PLXNA4: variants seen among roughly 807,000 people sequenced by gnomAD.
The protein encoded by PLXNA4 is plexin A4, also known as plexin-A4.
Under a neutral mutation model 191.8 loss-of-function variants are expected in PLXNA4, and 44 were observed. The observed-to-expected ratio is 0.23, with a 90% CI of 0.18 to 0.29. The LOEUF is 0.29. Ranked by LOEUF, PLXNA4 falls within the 10% of genes least tolerant of loss-of-function variation. The pLI, the probability that PLXNA4 is intolerant of heterozygous loss-of-function variation, is 1.00. For synonymous variants in PLXNA4, 1,082 were observed against 1,009.5 expected (o/e 1.07, Z -1.36); for missense variants, 1,800 against 2,488.8 (o/e 0.72, Z 5.89).
chr7:132,425,898 G>C (rs928464212), intron 3 of PLXNA4, among the ~76,000 whole-genome samples: 1 of 152,216 alleles, frequency 6.6e-6, no homozygotes, highest in African/African-American at 2.4e-5. Context: ...GCAGACAGGG[G>C]CTTCTGCAGC....
At chr7:132,161,111 G>A (rs1795936198) in intron 24 of PLXNA4, among the ~76,000 whole-genome samples, 1 of 152,162 alleles carries the variant, frequency 6.6e-6, no homozygotes, top group Non-Finnish European at 1.5e-5. Flanking sequence ...CTGACCCTTG[G>A]GCTGTTCTGG....
chr7:132,385,264 T>G (rs1050378959), intron 3 of PLXNA4: 3 of 1,613,848 alleles, frequency 1.9e-6, no homozygotes, highest in Non-Finnish European at 2.5e-6. Context: ...CGTCTGTAGC[T>G]CAAGGGTAGG....
At chr7:132,478,703 C>G (rs972727185) in intron 3 of PLXNA4, among the ~76,000 whole-genome samples, 20 of 152,130 alleles carry the variant, frequency 1.3e-4, no homozygotes, top group African/African-American at 4.8e-4. Flanking sequence ...CATGGGAATA[C>G]CTGGAACACA....
intron 31 of PLXNA4, among the ~76,000 whole-genome samples, chr7:132,132,460 C>CTGT (rs1211619906): frequency 3.0e-5 from 1 of 33,738 alleles, no homozygotes; most frequent in South Asian, 1.0e-3. Context: ...CTGTTCTGTT[C>CTGT]TGTTCTGCTC....
chr7:132,232,249 A>C (rs1798548604), intron 5 of PLXNA4, among the ~76,000 whole-genome samples: 1 of 152,140 alleles, frequency 6.6e-6, no homozygotes, highest in African/African-American at 2.4e-5. Context: ...CTCCTAAAGC[A>C]TGTCCCTCAG....
At chr7:132,284,716 C>T (rs545345680) in intron 4 of PLXNA4, among the ~76,000 whole-genome samples, 1 of 152,324 alleles carries the variant, frequency 6.6e-6, no homozygotes, top group South Asian at 2.1e-4. Flanking sequence ...ACCTAATACG[C>T]TCCAGAGGAT....
intron 2 of PLXNA4, among the ~76,000 whole-genome samples, chr7:132,506,992 G>A (rs533087451): frequency 6.6e-6 from 1 of 152,146 alleles, no homozygotes; most frequent in Non-Finnish European, 1.5e-5. Flanking sequence ...GACATACAAA[G>A]GGCTAAAAAC....
chr7:132,511,040 TTGGAGCTGAGGGTC>T (rs1798693817), intron 1 of PLXNA4, among the ~76,000 whole-genome samples: 1 of 61,038 alleles, frequency 1.6e-5, no homozygotes, highest in South Asian at 5.4e-4. Flanking sequence ...GAAGGAGAGT[TTGGAGCTGAGGGTC>T]TGTGAACTCC....
Position 132,507,677 on chromosome 7 carries a change from G to A in PLXNA4, c.1017C>T (p.Phe339=), listed in dbSNP as rs747552312. Residue 339 remains phenylalanine (F), a synonymous_variant, in exon 2 of 32, where the codon TTC becomes TTT. Transcript: ENST00000321063. ...TCATTTTCCGCTTCTGGCCCTTGGAGAAGACGGTGAAGAGCAGGTCATCAT... is the reference window on the plus strand; with the variant it reads ...TCATTTTCCGCTTCTGGCCCTTGGAAAAGACGGTGAAGAGCAGGTCATCAT... The part of the protein sequence containing the change: ...HPDDDLLFTV[F]SKGQKRKMKS... 1 of 1,614,214 alleles carries A rather than the reference G, an allele frequency of 6.2e-7. No individual in the cohort carries two copies. The highest frequency in any genetic ancestry group is 1.3e-5 in the African/African-American group (1 of 75,052).
intron 30 of PLXNA4, among the ~76,000 whole-genome samples, chr7:132,139,010 G>A (rs76210760): frequency 6.6e-6 from 1 of 152,362 alleles, no homozygotes; most frequent in African/African-American, 2.4e-5. Flanking sequence ...AGAATTGGCT[G>A]TCCACATGGG....
intron 8 of PLXNA4, among the ~76,000 whole-genome samples, chr7:132,224,656 G>A (rs1202182249): frequency 2.0e-5 from 3 of 152,184 alleles, no homozygotes; most frequent in Non-Finnish European, 4.4e-5. Context: ...TATTTACTCT[G>A]CTTCCCCAGA....
chr7:132,582,791 A>C (rs1222256843), intron 2 of PLXNA4, among the ~76,000 whole-genome samples: 1 of 152,212 alleles, frequency 6.6e-6, no homozygotes, highest in Non-Finnish European at 1.5e-5. Flanking sequence ...TTTGCAGGGA[A>C]GATATCATTC....
At chr7:132,546,047 C>T (rs1206263299) in intron 1 of PLXNA4, among the ~76,000 whole-genome samples, 1 of 152,216 alleles carries the variant, frequency 6.6e-6, no homozygotes, top group Non-Finnish European at 1.5e-5. Flanking sequence ...TTAACACCAA[C>T]CCAAATGCTC....
intron 24 of PLXNA4, among the ~76,000 whole-genome samples, chr7:132,162,530 C>T (rs1795980858): frequency 6.6e-6 from 1 of 152,118 alleles, no homozygotes; most frequent in Non-Finnish European, 1.5e-5. Context: ...TGGGAGGGTG[C>T]TGAGGAGACA....
chr7:132,133,291 G>A (rs1795021947), intron 30 of PLXNA4, 92 bp from the exon 31 acceptor site: 2 of 1,542,278 alleles, frequency 1.3e-6, no homozygotes, highest in Non-Finnish European at 1.7e-6. Flanking sequence ...GGGGCCATGA[G>A]CTCAGCTTGC....
Position 132,180,660 on chromosome 7 carries a change from G to A in PLXNA4, c.3565C>T (p.Pro1189Ser). ...ACATCTGACACGGTCACGGTGCACG[G>A]CTTCTCCCCAACCAGCACAGTGTAG... ...LNYTVLVGEK[P>S]CTVTVSDVQL... Residue 1189 changes from proline (P) to serine (S), a missense_variant, in exon 19 of 32, where the codon CCG becomes TCG. Physicochemically the swap from Pro to Ser is moderately conservative, Grantham distance 74. This residue lies in a region of PLXNA4 where 1,397 missense variants were observed against 1,880.4 expected (regional missense o/e 0.74). Transcript: ENST00000321063. 8 of 1,614,170 alleles carry A rather than the reference G, an allele frequency of 5.0e-6. No homozygotes were observed. The highest frequency in any genetic ancestry group is 5.9e-6 in the Non-Finnish European group (7 of 1,180,030).
intron 4 of PLXNA4, among the ~76,000 whole-genome samples, chr7:132,295,173 G>A (rs985452257): frequency 6.6e-5 from 10 of 152,146 alleles, no homozygotes; most frequent in Admixed American, 6.5e-4. Context: ...TGAGGGCACT[G>A]GGGACTCATT....
chr7:132,178,707 T>TACAC (rs1366959944), intron 20 of PLXNA4, among the ~76,000 whole-genome samples: 3 of 68,530 alleles, frequency 4.4e-5, no homozygotes, highest in Non-Finnish European at 7.5e-5. Context: ...CACATACACA[T>TACAC]ACACATACAC....
chr7:132,256,824 T>C (rs1405402313), intron 4 of PLXNA4, among the ~76,000 whole-genome samples: 1 of 152,114 alleles, frequency 6.6e-6, no homozygotes, highest in Non-Finnish European at 1.5e-5. Flanking sequence ...ATTTGAGGAT[T>C]ATGCATTTTG....
Sources: gnomAD v4.1 joint callset for allele counts (sites outside exome capture counted in the v4.1 genomes callset) on GRCh38, gnomAD v4.1.1 for gene constraint, gnomAD v4.1.1 regional missense constraint, MANE v1.5 for transcripts, NCBI Gene and HGNC (gene_info 2026-07-23, HGNC 2026-07-21) for gene names.